The following POLK variants were observed in gnomAD, a reference collection of about 807,000 sequenced individuals.
The protein encoded by POLK is polymerase (DNA directed) kappa.
POLK carries 76 observed loss-of-function variants against 94.0 expected under a neutral mutation model. The observed-to-expected ratio is 0.81, with a 90% CI of 0.67 to 0.98. The LOEUF is 0.98. Ranked by LOEUF, POLK falls within the 50% of genes least tolerant of loss-of-function variation. The pLI, the probability that POLK is intolerant of heterozygous loss-of-function variation, is 0.00. For synonymous variants in POLK, 349 were observed against 325.4 expected (o/e 1.07, Z -0.78); for missense variants, 954 against 1,010.1 (o/e 0.94, Z 0.75).
chr5:75,581,895 G>T, intron 7 of POLK: 1 of 200,898 alleles, frequency 5.0e-6, no homozygotes, highest in Non-Finnish European at 9.0e-6. Context: ...TAGCCAGGAT[G>T]GTCTCCATAT....
At chr5:75,523,774 G>A (rs573976530) in intron 1 of POLK, among the ~76,000 whole-genome samples, 33 of 152,172 alleles carry the variant, frequency 2.2e-4, no homozygotes, top group Middle Eastern at 3.4e-3. Context: ...AAATATATGC[G>A]TGATGAGGAT....
chr5:75,512,168 G>GT (rs1768068545), intron 1 of POLK: 1 of 198,784 alleles, frequency 5.0e-6, no homozygotes, highest in African/African-American at 2.3e-5. Context: ...ATGGGCTGGG[G>GT]TTTTGTGAGC....
At chr5:75,604,821 A>G (rs1581120053), downstream of POLK, among the ~76,000 whole-genome samples, 1 of 152,358 alleles carries the variant, frequency 6.6e-6, no homozygotes, top group African/African-American at 2.4e-5. Context: ...CTTTAATTGT[A>G]TAATTAAGGA....
At chr5:75,535,412 C>T (rs2112587376) in intron 1 of POLK, among the ~76,000 whole-genome samples, 1 of 152,230 alleles carries the variant, frequency 6.6e-6, no homozygotes, top group Middle Eastern at 3.4e-3. Context: ...CGTGGAGACT[C>T]TGATGACTAT....
chr5:75,596,316 A>C, exon 13 of POLK: 1 of 1,613,306 alleles, frequency 6.2e-7, no homozygotes. Flanking sequence ...AAGCCCTGTC[A>C]GCCACTGAGT....
At chr5:75,599,616 A>C (rs567892066) in exon 15 of POLK, 2 of 152,318 alleles carry the variant, frequency 1.3e-5, no homozygotes, top group African/African-American at 4.8e-5. Context: ...TACAAATTTA[A>C]GTTCAATGAA....
At chr5:75,569,828 T>C (rs1771495150) in intron 4 of POLK, among the ~76,000 whole-genome samples, 1 of 152,160 alleles carries the variant, frequency 6.6e-6, no homozygotes, top group Admixed American at 6.5e-5. Context: ...AGTTGTGGCA[T>C]TAGATTCTCA....
At chr5:75,571,965 G>A (rs1286798104) in intron 4 of POLK, among the ~76,000 whole-genome samples, 2 of 152,122 alleles carry the variant, frequency 1.3e-5, no homozygotes, top group Non-Finnish European at 2.9e-5. Context: ...TTCTGTTCCA[G>A]AACACTGACC....
At chr5:75,567,519 G>A (rs1480780938) in intron 3 of POLK, among the ~76,000 whole-genome samples, 1 of 152,048 alleles carries the variant, frequency 6.6e-6, no homozygotes, top group Non-Finnish European at 1.5e-5. Flanking sequence ...TTTTCTACTA[G>A]TACTCCTTTC....
At chr5:75,549,185 C>T (rs1561360357) in intron 2 of POLK, among the ~76,000 whole-genome samples, 2 of 151,964 alleles carry the variant, frequency 1.3e-5, no homozygotes, top group Non-Finnish European at 2.9e-5. Context: ...AAGAATAAAA[C>T]AAATAAAACC....
chr5:75,557,319 T>A (rs746924759), intron 3 of POLK, among the ~76,000 whole-genome samples: 5 of 152,220 alleles, frequency 3.3e-5, no homozygotes, highest in African/African-American at 7.2e-5. Context: ...TTGGATCTTT[T>A]GCCTCTCCAT....
At chr5:75,590,162 T>C (rs1772703410) in intron 10 of POLK, among the ~76,000 whole-genome samples, 182 bp from the exon 11 acceptor site, 1 of 152,212 alleles carries the variant, frequency 6.6e-6, no homozygotes, top group Admixed American at 6.5e-5. Flanking sequence ...TTTAGGTGGG[T>C]TTCCATTATT....
At chr5:75,589,596 G>T (rs867602486) in intron 10 of POLK, among the ~76,000 whole-genome samples, 1 of 152,052 alleles carries the variant, frequency 6.6e-6, no homozygotes, top group South Asian at 2.1e-4. Context: ...GACTACAGGC[G>T]CCCGTATACG....
chr5:75,595,248 G>GAAAAAAAAAAAAAAAA lies in POLK; in HGVS notation c.1529-964_1529-949dup, dbSNP rs58783164. ...GCAACAAGAGTGAAACTCCACCTCA[G>GAAAAAAAAAAAAAAAA]AAAAAAAAAAAAAAAAAAAAAAAAA... On this transcript the variant is annotated intron_variant, in intron 12 of 14. Coordinates refer to ENST00000241436, the Ensembl canonical transcript of POLK. 6.4e-4 allele frequency among the ~76,000 whole-genome samples: 16 copies of GAAAAAAAAAAAAAAAA among 24,882 alleles called. 1 individual carries two copies. Among genetic ancestry groups the GAAAAAAAAAAAAAAAA allele is most frequent in the African/African-American group, 8.7e-4 (8 of 9,168 alleles). The allele number at this position is 24,882 out of a possible 152,430, so 16.3% of individuals were successfully genotyped here. A position where few individuals can be genotyped will look rare whatever the true frequency, so the allele number is the denominator to read the frequency against.
chr5:75,582,117 C>T lies in POLK; in HGVS notation c.934+669C>T, dbSNP rs145855322. ...ACATTGCAGGAGAGAACCCAGACGG[C>T]CACAAGGTAAGAGACAAAAGAAATA... On this transcript the variant is annotated intron_variant, in intron 7 of 14. Transcript: ENST00000241436. The T allele has an allele frequency of 9.1e-6, 9 of 987,182 alleles. No individual in the cohort carries two copies. In the East Asian group the frequency reaches 6.8e-4, roughly 75 times the overall value. 61.2% of individuals were successfully genotyped at this position (987,182 alleles called of 1,614,324 possible). A position where few individuals can be genotyped will look rare whatever the true frequency, so the allele number is the denominator to read the frequency against.
At chr5:75,515,811 A>G (rs921996152) in intron 1 of POLK, among the ~76,000 whole-genome samples, 6 of 152,216 alleles carry the variant, frequency 3.9e-5, no homozygotes, top group African/African-American at 7.2e-5. Flanking sequence ...TAGGCCGCCC[A>G]TGGTGACTGA....
Position 75,573,732 on chromosome 5 carries a change from T to A in POLK, c.409-6T>A. Reference sequence around the variant, plus strand: ...ATTTTTTTCCATGTGGTCAATTTTCTTTCAGTCTACTTCAAATTACCATGC... The same window carrying A: ...ATTTTTTTCCATGTGGTCAATTTTCATTCAGTCTACTTCAAATTACCATGC... On this transcript the variant is annotated splice_region_variant and splice_polypyrimidine_tract_variant and intron_variant, in intron 4 of 14. Coordinates refer to ENST00000241436, the Ensembl canonical transcript of POLK. 6.2e-7 allele frequency: 1 copy of A among 1,611,832 alleles called. No homozygotes were observed. The highest frequency in any genetic ancestry group is 8.5e-7 in the Non-Finnish European group (1 of 1,178,074).
At chr5:75,535,113 C>G (rs1769379667) in intron 1 of POLK, 1 of 152,232 alleles carries the variant, frequency 6.6e-6, no homozygotes, top group South Asian at 2.1e-4. Flanking sequence ...CTTTCCATAG[C>G]TAGCACTTCC....
exon 13 of POLK, chr5:75,596,381 A>T: frequency 6.2e-7 from 1 of 1,613,700 alleles, no homozygotes; most frequent in Non-Finnish European, 8.5e-7. Flanking sequence ...GAAATGTCTC[A>T]TAAGAAGAGT....
Sources: allele counts gnomAD v4.1 joint callset (sites outside exome capture counted in the v4.1 genomes callset), GRCh38; gene constraint gnomAD v4.1.1; transcripts MANE v1.5; gene names NCBI Gene and HGNC (gene_info 2026-07-23, HGNC 2026-07-21).